Variants in PLCB1 observed in about 807,000 individuals in gnomAD.
PLCB1 encodes the protein 1-phosphatidylinositol 4,5-bisphosphate phosphodiesterase beta-1.
Under a neutral mutation model 161.8 loss-of-function variants are expected in PLCB1, and 46 were observed. The observed-to-expected ratio is 0.28, with a 90% CI of 0.22 to 0.36. The LOEUF is 0.36. Ranked by LOEUF, PLCB1 falls within the 10% of genes least tolerant of loss-of-function variation. The pLI is 1.00. For synonymous variants in PLCB1, 517 were observed against 503.7 expected (o/e 1.03, Z -0.35); for missense variants, 1,016 against 1,472.5 (o/e 0.69, Z 5.07).
intron 3 of PLCB1, among the ~76,000 whole-genome samples, chr20:8,376,855 G>A (rs909208078): frequency 1.3e-5 from 2 of 151,946 alleles, no homozygotes; most frequent in Non-Finnish European, 2.9e-5. Flanking sequence ...ATGAACCTGG[G>A]AGGCAGAGAT....
chr20:8,492,496 G>A (rs1982988910), intron 3 of PLCB1, among the ~76,000 whole-genome samples: 1 of 151,518 alleles, frequency 6.6e-6, no homozygotes, highest in South Asian at 2.1e-4. Flanking sequence ...GTGTGTGTGT[G>A]TTTTAAATAA....
At chr20:8,525,159 A>G (rs7508783) in intron 3 of PLCB1, among the ~76,000 whole-genome samples, 96 of 19,774 alleles carry the variant, frequency 4.9e-3, no homozygotes, top group Middle Eastern at 0.028. Flanking sequence ...GAGAAGGGGG[A>G]AAAAAAAAGT....
intron 7 of PLCB1, chr20:8,652,592 A>G (rs1989350217): frequency 6.6e-6 from 1 of 152,136 alleles, no homozygotes; most frequent in African/African-American, 2.4e-5. Flanking sequence ...GAAAAGGGTT[A>G]TATAAATCAT....
At chr20:8,489,263 G>C (rs1356753664) in intron 3 of PLCB1, among the ~76,000 whole-genome samples, 1 of 152,130 alleles carries the variant, frequency 6.6e-6, no homozygotes, top group African/African-American at 2.4e-5. Context: ...CTAGAGGATG[G>C]TGTATTTGCG....
intron 2 of PLCB1, among the ~76,000 whole-genome samples, chr20:8,230,056 C>CAAAAAAAAA (rs547874616): frequency 1.5e-4 from 9 of 58,866 alleles, no homozygotes; most frequent in African/African-American, 3.1e-4. Flanking sequence ...GACTTGGCAG[C>CAAAAAAAAA]AAAAAAAAAA....
At chr20:8,236,753 A>T (rs1328643617) in intron 2 of PLCB1, among the ~76,000 whole-genome samples, 1 of 152,042 alleles carries the variant, frequency 6.6e-6, no homozygotes, top group Non-Finnish European at 1.5e-5. Context: ...AGAAACTTTA[A>T]ATCCTTATTC....
intron 31 of PLCB1, among the ~76,000 whole-genome samples, chr20:8,825,700 T>C (rs1263255230): frequency 6.6e-6 from 1 of 152,246 alleles, no homozygotes; most frequent in Non-Finnish European, 1.5e-5. Context: ...TGATCAGATT[T>C]AGACTTTGAA....
chr20:8,789,379 C>T, intron 29 of PLCB1, 139 bp from the exon 30 acceptor site: 1 of 655,536 alleles, frequency 1.5e-6, no homozygotes, highest in East Asian at 2.8e-5. Flanking sequence ...ACCTTGTCTC[C>T]AATAAATAAA....
At chr20:8,558,625 A>G (rs1986042888) in intron 3 of PLCB1, among the ~76,000 whole-genome samples, 1 of 151,910 alleles carries the variant, frequency 6.6e-6, no homozygotes. Flanking sequence ...AAAGACAGCC[A>G]CACTAAGAGA....
intron 2 of PLCB1, among the ~76,000 whole-genome samples, chr20:8,320,817 G>GAAA (rs1491107196): frequency 2.1e-5 from 3 of 140,096 alleles, no homozygotes; most frequent in Admixed American, 1.4e-4. Flanking sequence ...AAGAAAGAAA[G>GAAA]GGAGGGAGGG....
chr20:8,545,179 G>A (rs1985490643), intron 3 of PLCB1, among the ~76,000 whole-genome samples: 1 of 152,172 alleles, frequency 6.6e-6, no homozygotes, highest in Non-Finnish European at 1.5e-5. Context: ...TGAGAAAAGT[G>A]GTGTTTGAAG....
chr20:8,271,622 G>A (rs1288177114), intron 2 of PLCB1, among the ~76,000 whole-genome samples: 1 of 152,058 alleles, frequency 6.6e-6, no homozygotes, highest in South Asian at 2.1e-4. Context: ...GGTCATAAGA[G>A]AGCTTGATTT....
In PLCB1 at chr20:8,697,529, T is replaced by A. The variant is rs1600258349; in HGVS notation, c.1010-97T>A. On this transcript the variant is annotated intron_variant, in intron 10 of 31. Transcript: ENST00000338037. ...AGAATAACTGCTGCAGCTCTTAGAC[T>A]CTTTGTTTTCCTGTTATTGAGGAGC... 4.9e-6 allele frequency: 6 copies of A among 1,234,852 alleles called. No individual in the cohort carries two copies. The East Asian group carries it at 1.4e-4, about 29-fold the overall frequency. The allele number at this position is 1,234,852 out of a possible 1,614,324, so 76.5% of individuals were successfully genotyped here.
intron 2 of PLCB1, among the ~76,000 whole-genome samples, chr20:8,326,055 C>A (rs1985139390): frequency 6.6e-6 from 1 of 152,086 alleles, no homozygotes; most frequent in Non-Finnish European, 1.5e-5. Flanking sequence ...AAAGTTGATT[C>A]TTTTAAAAGA....
intron 3 of PLCB1, among the ~76,000 whole-genome samples, chr20:8,580,190 C>T (rs771774452): frequency 3.3e-5 from 5 of 152,114 alleles, no homozygotes; most frequent in Non-Finnish European, 7.4e-5. Flanking sequence ...CAGCGAACTC[C>T]AAACTGGGGT....
chr20:8,521,266 T>C (rs1984337386), intron 3 of PLCB1, among the ~76,000 whole-genome samples: 1 of 152,018 alleles, frequency 6.6e-6, no homozygotes, highest in South Asian at 2.1e-4. Context: ...TTGTACAAAT[T>C]AGTAAGATGT....
intron 2 of PLCB1, among the ~76,000 whole-genome samples, chr20:8,227,195 G>T (rs955361711): frequency 2.6e-5 from 4 of 152,080 alleles, no homozygotes; most frequent in Non-Finnish European, 4.4e-5. Context: ...CACATTGCAG[G>T]ACTAGAGGCT....
chr20:8,227,271 G>A (rs1203623887), intron 2 of PLCB1, among the ~76,000 whole-genome samples: 1 of 152,096 alleles, frequency 6.6e-6, no homozygotes, highest in Non-Finnish European at 1.5e-5. Context: ...TAAGAGAAAA[G>A]CAAAAACAAT....
intron 3 of PLCB1, among the ~76,000 whole-genome samples, chr20:8,376,904 G>T (rs1987105728): frequency 6.6e-6 from 1 of 151,866 alleles, no homozygotes; most frequent in Non-Finnish European, 1.5e-5. Context: ...CTCCAGCCTG[G>T]GCGACAGAGC....
Sources: gnomAD v4.1 joint callset for allele counts (sites outside exome capture counted in the v4.1 genomes callset) on GRCh38, gnomAD v4.1.1 for gene constraint, MANE v1.5 for transcripts, NCBI Gene and HGNC (gene_info 2026-07-23, HGNC 2026-07-21) for gene names.